The following PDE4B variants were observed in gnomAD, a reference collection of about 807,000 sequenced individuals.
PDE4B encodes phosphodiesterase 4B, also known as 3',5'-cyclic-AMP phosphodiesterase 4B.
Under a neutral mutation model 82.2 loss-of-function variants are expected in PDE4B, and 20 were observed. That is an observed-to-expected ratio of 0.24 (90% CI 0.17 to 0.35). PDE4B has a LOEUF of 0.35. PDE4B is among the 10% of genes least tolerant of loss of function. PDE4B has a pLI of 1.00. For synonymous variants in PDE4B, 320 were observed against 318.9 expected (o/e 1.00, Z -0.04); for missense variants, 655 against 907.2 (o/e 0.72, Z 3.57).
At chr1:66,091,510 T>C (rs939042273) in intron 3 of PDE4B, among the ~76,000 whole-genome samples, 3 of 152,142 alleles carry the variant, frequency 2.0e-5, no homozygotes, top group African/African-American at 7.2e-5. Flanking sequence ...GGTTATTTGA[T>C]TTCTTTCATT....
In PDE4B at chr1:66,321,084, A is replaced by G. The variant is rs1396343209; in HGVS notation, c.635-11424A>G. On this transcript the variant is annotated intron_variant, in intron 7 of 16. Transcript: ENST00000341517. Reference sequence around the variant, plus strand: ...GATTTCATGCTTACCAAGCCATCTTATGGTTAGAATTTGGCCTCCCACATA... The same window carrying G: ...GATTTCATGCTTACCAAGCCATCTTGTGGTTAGAATTTGGCCTCCCACATA... Among the ~76,000 whole-genome samples the G allele has an allele frequency of 2.8e-4, 42 of 152,180 alleles. 1 individual carries two copies. Among genetic ancestry groups the G allele is most frequent in the Admixed American group, 2.8e-3 (42 of 15,266 alleles).
intron 7 of PDE4B, among the ~76,000 whole-genome samples, chr1:66,281,175 C>T (rs559977013): frequency 6.6e-6 from 1 of 152,332 alleles, no homozygotes; most frequent in South Asian, 2.1e-4. Flanking sequence ...CACATTACTC[C>T]CTCTGCTTCT....
At chr1:66,203,542 G>T (rs6685146) in intron 3 of PDE4B, among the ~76,000 whole-genome samples, 3 of 151,996 alleles carry the variant, frequency 2.0e-5, no homozygotes, top group East Asian at 1.9e-4. Context: ...GACTTTGTTC[G>T]TTTCTTTTTA....
At chr1:66,126,093 AC>A (rs1645817514) in intron 3 of PDE4B, among the ~76,000 whole-genome samples, 1 of 152,234 alleles carries the variant, frequency 6.6e-6, no homozygotes, top group Non-Finnish European at 1.5e-5. Flanking sequence ...GGCGTGAGCC[AC>A]TGCGCCCACC....
chr1:66,263,397 G>C (rs973150980), intron 6 of PDE4B, among the ~76,000 whole-genome samples: 31 of 152,338 alleles, frequency 2.0e-4, no homozygotes, highest in African/African-American at 7.2e-4. Context: ...TGTGTTCGAG[G>C]AACAGCAAGT....
chr1:66,328,038 A>G (rs1216683769), intron 7 of PDE4B, among the ~76,000 whole-genome samples: 1 of 152,258 alleles, frequency 6.6e-6, no homozygotes, highest in Non-Finnish European at 1.5e-5. Flanking sequence ...CTACTTCCGT[A>G]TCTATCACAC....
At chr1:66,101,298 G>A (rs1645219117) in intron 3 of PDE4B, among the ~76,000 whole-genome samples, 1 of 152,152 alleles carries the variant, frequency 6.6e-6, no homozygotes, top group Non-Finnish European at 1.5e-5. Context: ...ACATACATGT[G>A]CATGTGTCTT....
chr1:65,893,779 G>GTA (rs1646878711), intron 1 of PDE4B, among the ~76,000 whole-genome samples: 2 of 152,064 alleles, frequency 1.3e-5, no homozygotes, highest in South Asian at 2.1e-4. Context: ...AGAAATTGTG[G>GTA]TATATATATG....
intron 7 of PDE4B, among the ~76,000 whole-genome samples, chr1:66,312,916 A>T (rs1658768549): frequency 6.6e-6 from 1 of 152,232 alleles, no homozygotes; most frequent in Non-Finnish European, 1.5e-5. Flanking sequence ...TCTGCTCTGT[A>T]GCACTTTCTG....
At chr1:66,011,303 A>G (rs958089763) in intron 3 of PDE4B, among the ~76,000 whole-genome samples, 2 of 150,266 alleles carry the variant, frequency 1.3e-5, no homozygotes, top group African/African-American at 4.9e-5. Context: ...TCAACATTGT[A>G]GGACAGTAAT....
chr1:66,081,551 G>A (rs967986898), intron 3 of PDE4B, among the ~76,000 whole-genome samples: 2 of 152,046 alleles, frequency 1.3e-5, no homozygotes, highest in Non-Finnish European at 2.9e-5. Context: ...AGAATAAAGT[G>A]TATATAATAA....
At chr1:65,880,358 C>T (rs1646695601) in intron 1 of PDE4B, among the ~76,000 whole-genome samples, 1 of 152,204 alleles carries the variant, frequency 6.6e-6, no homozygotes, top group Non-Finnish European at 1.5e-5. Flanking sequence ...TCATGCTGCT[C>T]ACTCCTTCAG....
chr1:66,274,777 A>G (rs1655756415), intron 7 of PDE4B, among the ~76,000 whole-genome samples: 1 of 152,194 alleles, frequency 6.6e-6, no homozygotes, highest in Non-Finnish European at 1.5e-5. Flanking sequence ...CATGACTCAG[A>G]TAGTACTCAG....
At chr1:65,893,553 A>G (rs1459577378) in intron 1 of PDE4B, among the ~76,000 whole-genome samples, 1 of 152,142 alleles carries the variant, frequency 6.6e-6, no homozygotes. Context: ...GTGGGAATGT[A>G]AATTAGTGCA....
At chr1:66,054,567 G>A (rs1027921870) in intron 3 of PDE4B, among the ~76,000 whole-genome samples, 6 of 152,096 alleles carry the variant, frequency 3.9e-5, no homozygotes, top group Non-Finnish European at 4.4e-5. Context: ...CGTCTCATTT[G>A]ACAATTGGCT....
chr1:66,013,808 A>G (rs113189783), intron 3 of PDE4B, among the ~76,000 whole-genome samples: 77 of 152,126 alleles, frequency 5.1e-4, no homozygotes, highest in Non-Finnish European at 9.3e-4. Context: ...TCTTTGGGGT[A>G]TATACCCAGA....
chr1:66,075,184 TGCTGTCTAACACCACCA>T lies in PDE4B; in HGVS notation c.281+156353_281+156369del, dbSNP rs375388854. On this transcript the variant is annotated intron_variant, in intron 3 of 16. Coordinates refer to ENST00000341517, the MANE Select transcript of PDE4B (RefSeq NM_002600.4). ...TATACACTGCCACTTCAATAAAAAT[TGCTGTCTAACACCACCA>T]GCTCACCTTTGAATTATTTCCTGGG... Among the ~76,000 whole-genome samples the T allele has an allele frequency of 8.7e-3, 1,325 of 152,098 alleles. 19 individuals carry two copies. Among genetic ancestry groups the T allele is most frequent in the African/African-American group, 0.03 (1,241 of 41,548 alleles).
At chr1:66,134,394 C>A (rs1016832948) in intron 3 of PDE4B, among the ~76,000 whole-genome samples, 1 of 152,182 alleles carries the variant, frequency 6.6e-6, no homozygotes, top group African/African-American at 2.4e-5. Context: ...CTCTCCTGAG[C>A]CTCTCTTTTA....
chr1:66,044,639 T>A (rs1654588231), intron 3 of PDE4B, among the ~76,000 whole-genome samples: 1 of 151,784 alleles, frequency 6.6e-6, no homozygotes, highest in African/African-American at 2.4e-5. Flanking sequence ...TAATTAAAAC[T>A]CAGATGTCCA....
Sources: gnomAD v4.1 joint callset for allele counts (sites outside exome capture counted in the v4.1 genomes callset) on GRCh38, gnomAD v4.1.1 for gene constraint, MANE v1.5 for transcripts, NCBI Gene and HGNC (gene_info 2026-07-23, HGNC 2026-07-21) for gene names.